Variants in ADCY10 observed in about 807,000 individuals in gnomAD.
The protein encoded by ADCY10 is adenylate cyclase 10.
In ADCY10, 156 loss-of-function variants were observed where a neutral mutation model predicts 183.3. That is an observed-to-expected ratio of 0.85 (90% CI 0.75 to 0.97). ADCY10 has a LOEUF of 0.97. Among genes scored for constraint, ADCY10 ranks in the 50% least tolerant of loss-of-function variants. The pLI, the probability that ADCY10 is intolerant of heterozygous loss-of-function variation, is 0.00. For missense variants in ADCY10, 1,745 were observed against 1,934.3 expected (o/e 0.90, Z 1.84); for synonymous variants, 645 against 670.0 (o/e 0.96, Z 0.58).
rs753001766 is a variant in ADCY10, at chr1:167,833,095, T to C, written c.3485A>G (p.Asn1162Ser). ...GATTAAGTTGTAAGGAAAGATTCGG[T>C]TGAGGAGCTTCAGTGCCTTCCTCAG... is the stretch of plus-strand genomic sequence containing the variant. ...KMLRKALKLL[N>S]RIFPYNLISL... is the part of the protein sequence containing the mutation. The change falls in exon 25 of 33, where the codon AAC becomes AGC. Residue 1162 changes from asparagine (N) to serine (S), a missense_variant. Physicochemically the swap from Asn to Ser is conservative, Grantham distance 46. Coordinates refer to ENST00000367851, the MANE Select transcript of ADCY10 (RefSeq NM_018417.6). The C allele has an allele frequency of 1.2e-6, 2 of 1,614,116 alleles. No individual in the cohort carries two copies. Among genetic ancestry groups the C allele is most frequent in the South Asian group, 2.2e-5 (2 of 91,088 alleles).
intron 13 of ADCY10, among the ~76,000 whole-genome samples, chr1:167,872,367 TA>T (rs35237139): frequency 0.16 from 22,970 of 141,708 alleles, 2,373 homozygotes; most frequent in African/African-American, 0.32. Flanking sequence ...TAAGGAAGCT[TA>T]AAAAAAAAAA....
Position 167,894,088 on chromosome 1 carries a change from T to C in ADCY10, c.740-147A>G, listed in dbSNP as rs549870972. On this transcript the variant is annotated intron_variant, in intron 7 of 32. Transcript: ENST00000367851. ...AGGAGACTCTGGGACACCTAGGGGC[T>C]GAAAGGGCCAGGGGAAATCCAAAGA... is the stretch of plus-strand genomic sequence containing the variant. 37 of 684,068 alleles carry C rather than the reference T, an allele frequency of 5.4e-5. No homozygotes were observed. The African/African-American group carries it at 5.5e-4, about 10-fold the overall frequency. The allele number at this position is 684,068 out of a possible 1,614,324, so 42.4% of individuals were successfully genotyped here.
Position 167,860,914 on chromosome 1 carries a change from T to C in ADCY10, c.1766A>G (p.Asp589Gly). Residue 589 changes from aspartate to glycine, a missense_variant, in exon 15 of 33, where the codon GAT becomes GGT. Coordinates refer to ENST00000367851, the MANE Select transcript of ADCY10 (RefSeq NM_018417.6). ...NLRNKVMTLL[D>G]EKFYCLLNDI... ...ATTAAGAAGACAGTAGAACTTTTCA[T>C]CCAACAGTGTCATGACTTTATTTCG... is the stretch of plus-strand genomic sequence containing the variant. 1.2e-6 allele frequency: 2 copies of C among 1,614,164 alleles called. No individual in the cohort carries two copies. Among genetic ancestry groups the C allele is most frequent in the South Asian group, 2.2e-5 (2 of 91,080 alleles).
chr1:167,905,924 T>G (rs1369147422), intron 1 of ADCY10, among the ~76,000 whole-genome samples: 1 of 152,228 alleles, frequency 6.6e-6, no homozygotes, highest in Non-Finnish European at 1.5e-5. Flanking sequence ...AAAATCATGC[T>G]CTACCAGCCT....
In ADCY10 at chr1:167,883,589, G is replaced by A. The variant is rs774492801; in HGVS notation, c.868C>T (p.Arg290Cys). ...TTCACAAACACAATCGTCACTGGGC[G>A]AAGCTCAGATAAATAGCCCTGAAGC... is the stretch of plus-strand genomic sequence containing the variant. ...KQLQGYLSEL[R>C]PVTIVFVNLM... Residue 290 changes from arginine to cysteine, a missense_variant, in exon 9 of 33, where the codon CGC becomes TGC. Physicochemically the swap from Arg to Cys is radical, Grantham distance 180. Coordinates refer to ENST00000367851, the MANE Select transcript of ADCY10 (RefSeq NM_018417.6). The A allele has an allele frequency of 6.8e-6, 11 of 1,614,106 alleles. No homozygotes were observed. Among genetic ancestry groups the A allele is most frequent in the East Asian group, 2.2e-5 (1 of 44,896 alleles).
intron 23 of ADCY10, among the ~76,000 whole-genome samples, chr1:167,835,469 C>A (rs920068260): frequency 2.6e-5 from 4 of 152,214 alleles, no homozygotes; most frequent in African/African-American, 9.6e-5. Context: ...TGCCCTGGAA[C>A]CTTATTTATA....
chr1:167,853,592 C>A, intron 18 of ADCY10, among the ~76,000 whole-genome samples: 1 of 152,130 alleles, frequency 6.6e-6, no homozygotes, highest in East Asian at 1.9e-4. Flanking sequence ...GGCCCCCACC[C>A]TTTTCCCTGC....
rs1384329092 is a variant in ADCY10 at position 167,819,938 on chromosome 1, ACTTCAT to A, written c.4287-1677_4287-1672del. On this transcript the variant is annotated intron_variant, in intron 30 of 32. Coordinates refer to ENST00000367851, the MANE Select transcript of ADCY10 (RefSeq NM_018417.6). Reference sequence around the variant, plus strand: ...GCAAAACATCTTCTCCAGGCCATCAACTTCATCTTCATCTGTGCTGTATTCTTCCAT... The same window carrying A: ...GCAAAACATCTTCTCCAGGCCATCAACTTCATCTGTGCTGTATTCTTCCAT... 57 of 1,143,744 alleles carry A rather than the reference ACTTCAT, an allele frequency of 5.0e-5. 2 individuals carry two copies. The South Asian group carries it at 5.9e-4, about 12-fold the overall frequency. The allele number at this position is 1,143,744 out of a possible 1,614,324, so 70.8% of individuals were successfully genotyped here.
At chr1:167,901,946 T>G in intron 4 of ADCY10, 70 bp downstream of exon 4, 2 of 1,607,678 alleles carry the variant, frequency 1.2e-6, no homozygotes, top group East Asian at 2.2e-5. Context: ...GCCTCCTTTG[T>G]CCCCAACACA....
chr1:167,873,054 A>T (rs1667216049), intron 13 of ADCY10, among the ~76,000 whole-genome samples: 1 of 151,952 alleles, frequency 6.6e-6, no homozygotes, highest in South Asian at 2.1e-4. Flanking sequence ...TGGGCGACAG[A>T]GTGAGACTCT....
intron 6 of ADCY10, among the ~76,000 whole-genome samples, chr1:167,898,804 C>G (rs573890029): frequency 1.3e-5 from 2 of 152,048 alleles, no homozygotes; most frequent in Non-Finnish European, 2.9e-5. Flanking sequence ...TTCTTTCTGC[C>G]GCGTAGTCCC....
chr1:167,912,622 C>T (rs757624868), intron 1 of ADCY10, among the ~76,000 whole-genome samples: 6 of 152,232 alleles, frequency 3.9e-5, no homozygotes, highest in African/African-American at 4.8e-5. Context: ...TTCCCTCTCT[C>T]GGCTTTGGAG....
intron 6 of ADCY10, 126 bp from the exon 7 acceptor site, chr1:167,896,817 G>A (rs2102382628): frequency 1.4e-6 from 1 of 691,500 alleles, no homozygotes; most frequent in Admixed American, 2.5e-5. Context: ...TAAACACCAA[G>A]ACTATTTGAT....
intron 25 of ADCY10, among the ~76,000 whole-genome samples, chr1:167,829,729 T>G (rs1663576444): frequency 1.3e-5 from 2 of 152,234 alleles, no homozygotes; most frequent in Admixed American, 6.5e-5. Context: ...ATTCATCACA[T>G]TTGATTCTGA....
chr1:167,816,184 A>C (rs1662518132), intron 31 of ADCY10, among the ~76,000 whole-genome samples: 1 of 152,178 alleles, frequency 6.6e-6, no homozygotes, highest in Admixed American at 6.5e-5. Flanking sequence ...GCAGAACACC[A>C]TGTAGGATAT....
Position 167,893,883 on chromosome 1 carries a change from T to C in ADCY10, c.798A>G (p.Gln266=), listed in dbSNP as rs772701539. ...TCAAAATGCTTTCCATCACATACTT[T>C]TGTAGGGACATCTCCAGTTCAGGAT... ...KPDPELEMSL[Q]KYVMESILKQ... Residue 266 remains glutamine, a synonymous_variant, in exon 8 of 33, where the codon CAA becomes CAG. Coordinates refer to ENST00000367851, the MANE Select transcript of ADCY10 (RefSeq NM_018417.6). The C allele has an allele frequency of 7.4e-6, 12 of 1,613,482 alleles. No homozygotes were observed. In the East Asian group the frequency reaches 2.5e-4, roughly 33 times the overall value.
chr1:167,822,090 T>C lies in ADCY10; in HGVS notation c.4220A>G (p.Glu1407Gly), dbSNP rs61737676. Reference sequence around the variant, plus strand: ...GTGGAACTTGAGGATTCTGTTGTTTTCGTATTGGTGTATGAATTCCAAACA... The same window carrying C: ...GTGGAACTTGAGGATTCTGTTGTTTCCGTATTGGTGTATGAATTCCAAACA... ...EECLEFIHQYENNRILKFHSG... is the reference protein window; with the variant it reads ...EECLEFIHQYGNNRILKFHSG... The change falls in exon 30 of 33, where the codon GAA becomes GGA. Residue 1407 changes from glutamate (E) to glycine (G), a missense_variant. Glu to Gly is a moderately conservative substitution (Grantham distance 98). Coordinates refer to ENST00000367851, the MANE Select transcript of ADCY10 (RefSeq NM_018417.6). The C allele has an allele frequency of 2.9e-4, 463 of 1,610,802 alleles. No individual in the cohort carries two copies. In the African/African-American group the frequency reaches 5.6e-3, roughly 19 times the overall value.
intron 6 of ADCY10, among the ~76,000 whole-genome samples, chr1:167,897,293 C>A (rs1669045292): frequency 1.3e-5 from 2 of 149,156 alleles, no homozygotes; most frequent in South Asian, 4.3e-4. Context: ...CGAGACCAGC[C>A]TGGGTAACAA....
At chr1:167,890,260 T>C (rs545596389) in intron 8 of ADCY10, among the ~76,000 whole-genome samples, 1 of 152,386 alleles carries the variant, frequency 6.6e-6, no homozygotes, top group South Asian at 2.1e-4. Context: ...CATATCTATA[T>C]TACAGAGCAC....
Sources: gnomAD v4.1 joint callset for allele counts (sites outside exome capture counted in the v4.1 genomes callset) on GRCh38, gnomAD v4.1.1 for gene constraint, MANE v1.5 for transcripts, NCBI Gene and HGNC (gene_info 2026-07-23, HGNC 2026-07-21) for gene names.